PDE1A: variants seen among roughly 807,000 people sequenced by gnomAD.
PDE1A encodes dual specificity calcium/calmodulin-dependent 3',5'-cyclic nucleotide phosphodiesterase 1A.
In PDE1A, 35 loss-of-function variants were observed where a neutral mutation model predicts 61.7. The observed-to-expected ratio is 0.57, with a 90% CI of 0.43 to 0.75. The LOEUF is 0.75. PDE1A is among the 30% of genes least tolerant of loss of function. The probability of loss-of-function intolerance (pLI) is 0.00; values close to 1 mark genes in which losing one functional copy is unlikely to be tolerated. For synonymous variants in PDE1A, 232 were observed against 213.2 expected, an observed-to-expected ratio of 1.09 and a Z score of -0.77; for missense variants, 597 against 630.6, an observed-to-expected ratio of 0.95 and a Z score of 0.57.
At chr2:182,525,671 C>T (rs1401517348), upstream of PDE1A, among the ~76,000 whole-genome samples, 1 of 152,140 alleles carries the variant, frequency 6.6e-6, no homozygotes, top group Non-Finnish European at 1.5e-5. Context: ...GCCTGCAGAA[C>T]CATGAGCCAA....
intron 1 of PDE1A, among the ~76,000 whole-genome samples, chr2:182,294,612 C>G (rs1375351605): frequency 6.6e-6 from 1 of 152,174 alleles, no homozygotes; most frequent in East Asian, 1.9e-4. Flanking sequence ...TTTAATATCA[C>G]ATTACCCTGT....
At chr2:182,366,524 A>T (rs1272576135) in intron 1 of PDE1A, among the ~76,000 whole-genome samples, 1 of 152,088 alleles carries the variant, frequency 6.6e-6, no homozygotes, top group African/African-American at 2.4e-5. Flanking sequence ...TTAATTTAAT[A>T]ACCTATTGTT....
intron 2 of PDE1A, among the ~76,000 whole-genome samples, chr2:182,451,744 T>A (rs1044119690): frequency 2.6e-5 from 4 of 152,152 alleles, no homozygotes; most frequent in African/African-American, 9.6e-5. Flanking sequence ...AGAAGCAAAC[T>A]GAGGATGCTC....
chr2:182,278,468 TAG>T (rs1420692668), intron 1 of PDE1A, among the ~76,000 whole-genome samples: 1 of 152,040 alleles, frequency 6.6e-6, no homozygotes, highest in Non-Finnish European at 1.5e-5. Context: ...AGCATTAAAA[TAG>T]AGTCTTTAAA....
the PDE1A span, among the ~76,000 whole-genome samples, chr2:182,671,609 G>A: frequency 7.1e-6 from 1 of 140,060 alleles, no homozygotes; most frequent in African/African-American, 2.6e-5. Context: ...GGGTGGTTGT[G>A]ACTTTCTTTT....
downstream of PDE1A, among the ~76,000 whole-genome samples, chr2:182,144,276 C>T (rs533709015): frequency 3.3e-5 from 5 of 152,280 alleles, no homozygotes; most frequent in South Asian, 1.0e-3. Context: ...AAATTCCTGA[C>T]ATATCTTTCA....
chr2:182,524,989 T>A (rs549624380), upstream of PDE1A, among the ~76,000 whole-genome samples: 1 of 151,982 alleles, frequency 6.6e-6, no homozygotes, highest in African/African-American at 2.4e-5. Context: ...AAATGTAATA[T>A]AACATATACT....
intron 1 of PDE1A, among the ~76,000 whole-genome samples, chr2:182,408,445 T>A (rs953308829): frequency 4.6e-5 from 7 of 152,174 alleles, no homozygotes; most frequent in African/African-American, 1.7e-4. Context: ...AAATAACAAA[T>A]GAAAAGCACC....
chr2:182,551,086 T>G, the PDE1A span, among the ~76,000 whole-genome samples: 1 of 151,558 alleles, frequency 6.6e-6, no homozygotes, highest in South Asian at 2.1e-4. Flanking sequence ...TTTAGGAACT[T>G]ACATTCTGTC....
chr2:182,187,012 G>A (rs1334577044), intron 11 of PDE1A, among the ~76,000 whole-genome samples: 1 of 152,196 alleles, frequency 6.6e-6, no homozygotes, highest in Non-Finnish European at 1.5e-5. Context: ...TCATATCTAA[G>A]CTCCAAAGAA....
chr2:182,536,720 T>C, the PDE1A span, among the ~76,000 whole-genome samples: 1 of 152,294 alleles, frequency 6.6e-6, no homozygotes, highest in South Asian at 2.1e-4. Flanking sequence ...GGGTTAACTT[T>C]TGTAATTCCC....
chr2:182,329,159 GTAA>G (rs1482275040), intron 1 of PDE1A, among the ~76,000 whole-genome samples: 1 of 152,092 alleles, frequency 6.6e-6, no homozygotes, highest in Non-Finnish European at 1.5e-5. Context: ...AGTAGGCATA[GTAA>G]ATGATTATAT....
chr2:182,555,501 G>GA, the PDE1A span, among the ~76,000 whole-genome samples: 1 of 152,140 alleles, frequency 6.6e-6, no homozygotes, highest in Non-Finnish European at 1.5e-5. Flanking sequence ...ATAGTGCAGT[G>GA]AAAAACGTCA....
At chr2:182,522,196 A>T in intron 2 of PDE1A, 1 of 1,197,930 alleles carries the variant, frequency 8.3e-7, no homozygotes, top group Non-Finnish European at 1.2e-6. Context: ...ACTAGCCCAC[A>T]AAGGCGGATA....
chr2:182,488,499 A>G (rs1688168065), intron 2 of PDE1A, among the ~76,000 whole-genome samples: 1 of 152,186 alleles, frequency 6.6e-6, no homozygotes, highest in South Asian at 2.1e-4. Flanking sequence ...AGATATTTCA[A>G]AGTGTTTTGT....
chr2:182,661,888 A>G, the PDE1A span, among the ~76,000 whole-genome samples: 1 of 152,074 alleles, frequency 6.6e-6, no homozygotes, highest in Admixed American at 6.6e-5. Context: ...ACATTAAAGG[A>G]GACCAATTCA....
chr2:182,640,284 A>G, the PDE1A span, among the ~76,000 whole-genome samples: 1 of 152,262 alleles, frequency 6.6e-6, no homozygotes, highest in Non-Finnish European at 1.5e-5. Flanking sequence ...CAAAGAGACC[A>G]TAAATGAGGA....
chr2:182,337,705 C>T (rs1160854092), intron 1 of PDE1A, among the ~76,000 whole-genome samples: 4 of 152,184 alleles, frequency 2.6e-5, no homozygotes, highest in Admixed American at 6.5e-5. Context: ...CTAAAAAGGT[C>T]GCCTATTCTA....
chr2:182,319,303 C>T (rs1696554229), intron 1 of PDE1A, among the ~76,000 whole-genome samples: 1 of 152,084 alleles, frequency 6.6e-6, no homozygotes, highest in South Asian at 2.1e-4. Context: ...ACACTGTTAA[C>T]TTTGACATGG....
Sources: allele counts gnomAD v4.1 joint callset (sites outside exome capture counted in the v4.1 genomes callset), GRCh38; gene constraint gnomAD v4.1.1; transcripts MANE v1.5; gene names NCBI Gene and HGNC (gene_info 2026-07-23, HGNC 2026-07-21).